PDE1A: variants seen among roughly 807,000 people sequenced by gnomAD.
PDE1A encodes phosphodiesterase 1A, also known as dual specificity calcium/calmodulin-dependent 3',5'-cyclic nucleotide phosphodiesterase 1A.
In PDE1A, 35 loss-of-function variants were observed where a neutral mutation model predicts 61.7. That is an observed-to-expected ratio of 0.57 (90% CI 0.43 to 0.75). The LOEUF (loss-of-function observed/expected upper bound fraction) is 0.75. Ranked by LOEUF, PDE1A falls within the 30% of genes least tolerant of loss-of-function variation. PDE1A has a pLI of 0.00. For synonymous variants in PDE1A, 232 were observed against 213.2 expected, an observed-to-expected ratio of 1.09 and a Z score of -0.77; for missense variants, 597 against 630.6, an observed-to-expected ratio of 0.95 and a Z score of 0.57.
chr2:182,180,855 C>A (rs1684702022), intron 13 of PDE1A, among the ~76,000 whole-genome samples: 1 of 151,492 alleles, frequency 6.6e-6, no homozygotes, highest in African/African-American at 2.4e-5. Context: ...ATTCTGATAT[C>A]CTTTCTTCTG....
chr2:182,436,516 T>C (rs1684424228), intron 2 of PDE1A, among the ~76,000 whole-genome samples: 1 of 151,928 alleles, frequency 6.6e-6, no homozygotes, highest in African/African-American at 2.4e-5. Flanking sequence ...ATCAAGTCTA[T>C]CTTAGAAATG....
chr2:182,367,177 G>A (rs1180798955), intron 1 of PDE1A, among the ~76,000 whole-genome samples: 1 of 151,932 alleles, frequency 6.6e-6, no homozygotes, highest in African/African-American at 2.4e-5. Context: ...TGATTTAGAA[G>A]TCATATGGAA....
In PDE1A at chr2:182,414,468, T is replaced by G. The variant is rs1702801001; in HGVS notation, c.53+12110A>C. 3.3e-5 allele frequency among the ~76,000 whole-genome samples: 5 copies of G among 152,280 alleles called. No homozygotes were observed. The South Asian group carries it at 6.2e-4, about 19-fold the overall frequency. Reference sequence around the variant, plus strand: ...CTCACAGATCTAAGGTGACCTTCAATGTCCTAATGTTTGTTTACAGAGGTA... The same window carrying G: ...CTCACAGATCTAAGGTGACCTTCAAGGTCCTAATGTTTGTTTACAGAGGTA... On this transcript the variant is annotated intron_variant, in intron 1 of 13. Coordinates refer to ENST00000351439, the Ensembl canonical transcript of PDE1A.
chr2:182,141,389 TA>T (rs1374386098), exon 15 of PDE1A: 14 of 152,214 alleles, frequency 9.2e-5, no homozygotes, highest in Admixed American at 1.3e-4. Context: ...TACATATCTA[TA>T]AATGTTTTCC....
chr2:182,264,777 A>G (rs771540543), intron 1 of PDE1A, among the ~76,000 whole-genome samples: 8 of 149,786 alleles, frequency 5.3e-5, no homozygotes, highest in Non-Finnish European at 7.4e-5. Context: ...CTAGGAGAAT[A>G]TTCAAAGGAC....
intron 13 of PDE1A, among the ~76,000 whole-genome samples, chr2:182,159,063 A>G (rs542297917): frequency 1.1e-4 from 16 of 152,340 alleles, no homozygotes; most frequent in Non-Finnish European, 1.8e-4. Context: ...TGGGCTGTAT[A>G]CAGTCTAAAT....
At chr2:182,160,350 C>T (rs1691310221) in intron 13 of PDE1A, among the ~76,000 whole-genome samples, 1 of 152,076 alleles carries the variant, frequency 6.6e-6, no homozygotes, top group South Asian at 2.1e-4. Flanking sequence ...GAGATTGACC[C>T]ATGAGTTAGT....
In PDE1A at chr2:182,326,395, A is replaced by G. The variant is rs371483027; in HGVS notation, c.54-61981T>C. Among the ~76,000 whole-genome samples the G allele has an allele frequency of 2.6e-4, 39 of 152,372 alleles. No individual in the cohort carries two copies. The East Asian group carries it at 6.0e-3, about 23-fold the overall frequency. Reference sequence around the variant, plus strand: ...AATATTATTCACCCTTAAAAAGCAAATAAATTCTGGTATATGTTACAACAT... The same window carrying G: ...AATATTATTCACCCTTAAAAAGCAAGTAAATTCTGGTATATGTTACAACAT... On this transcript the variant is annotated intron_variant, in intron 1 of 13. Transcript: ENST00000351439.
chr2:182,647,842 T>A, the PDE1A span, among the ~76,000 whole-genome samples: 1 of 151,830 alleles, frequency 6.6e-6, no homozygotes, highest in African/African-American at 2.4e-5. Context: ...AACAATTAAA[T>A]GAAATTCTGT....
At chr2:182,260,067 CT>C (rs1323740339) in intron 2 of PDE1A, among the ~76,000 whole-genome samples, 1 of 152,126 alleles carries the variant, frequency 6.6e-6, no homozygotes, top group African/African-American at 2.4e-5. Flanking sequence ...AATTCAGAAA[CT>C]TTTTATTTTT....
Position 182,234,427 on chromosome 2 carries a change from G to T in PDE1A, c.417+5C>A. ...TTATACACGAAAATAATGAAATTAT[G>T]TCACCTTTAATGTTACGATGACAGC... On this transcript the variant is annotated splice_donor_5th_base_variant and intron_variant, in intron 4 of 13. Transcript: ENST00000351439. The T allele has an allele frequency of 6.3e-7, 1 of 1,580,564 alleles. No individual in the cohort carries two copies. The highest frequency in any genetic ancestry group is 2.3e-5 in the East Asian group (1 of 44,110).
In PDE1A at chr2:182,299,098, C is replaced by T. The variant is rs533798093; in HGVS notation, c.54-34684G>A. ...TAGAGTATCAATTCCCCAATATTTT[C>T]GCCGAAATACCAGGGTCTCTGTACA... On this transcript the variant is annotated intron_variant, in intron 1 of 13. Coordinates refer to ENST00000351439, the Ensembl canonical transcript of PDE1A. Among the ~76,000 whole-genome samples the T allele has an allele frequency of 1.4e-3, 214 of 151,966 alleles. 2 individuals carry two copies. Among genetic ancestry groups the T allele is most frequent in the African/African-American group, 4.9e-3 (203 of 41,458 alleles).
At chr2:182,205,227 C>T (rs1686999042) in intron 8 of PDE1A, among the ~76,000 whole-genome samples, 2 of 152,076 alleles carry the variant, frequency 1.3e-5, no homozygotes, top group African/African-American at 4.8e-5. Flanking sequence ...GGGACATATA[C>T]TAAGAAGATT....
intron 6 of PDE1A, among the ~76,000 whole-genome samples, chr2:182,225,883 A>G (rs1689102159): frequency 6.7e-6 from 1 of 149,970 alleles, no homozygotes; most frequent in South Asian, 2.1e-4. Flanking sequence ...TTCAGAGCCA[A>G]AAGAAGTTAA....
the PDE1A span, among the ~76,000 whole-genome samples, chr2:182,569,456 TC>T: frequency 6.6e-6 from 1 of 152,044 alleles, no homozygotes; most frequent in African/African-American, 2.4e-5. Context: ...ATTCTGAGTG[TC>T]CTCTTTATCC....
chr2:182,322,558 T>G (rs1696763712), intron 1 of PDE1A, among the ~76,000 whole-genome samples: 2 of 152,198 alleles, frequency 1.3e-5, no homozygotes, highest in Non-Finnish European at 2.9e-5. Context: ...ATTAAACCTC[T>G]TTTTCTTTAT....
Position 182,193,685 on chromosome 2 carries a change from T to C in PDE1A, c.1126-4625A>G, listed in dbSNP as rs149609119. On this transcript the variant is annotated intron_variant, in intron 10 of 13. Coordinates refer to ENST00000351439, the Ensembl canonical transcript of PDE1A. The stretch of plus-strand genomic sequence containing the variant: ...AGCATTTAATAATTACAGCAACTAA[T>C]ACATTCACTTTCAGTAAAATATTGG... Among the ~76,000 whole-genome samples, 69 of 152,300 alleles carry C rather than the reference T, an allele frequency of 4.5e-4. 2 individuals are homozygous for C. In the East Asian group the frequency reaches 0.011, roughly 24 times the overall value.
At chr2:182,626,695 A>G in the PDE1A span, among the ~76,000 whole-genome samples, 1 of 131,696 alleles carries the variant, frequency 7.6e-6, no homozygotes, top group Admixed American at 9.3e-5. Flanking sequence ...AGAAAAAAAA[A>G]AAGATCAAAG....
At chr2:182,528,904 A>C in the PDE1A span, among the ~76,000 whole-genome samples, 1 of 152,184 alleles carries the variant, frequency 6.6e-6, no homozygotes, top group Non-Finnish European at 1.5e-5. Context: ...GGGAACCTTC[A>C]CCTAGATTTC....
Sources: allele counts gnomAD v4.1 joint callset (sites outside exome capture counted in the v4.1 genomes callset), GRCh38; gene constraint gnomAD v4.1.1; transcripts MANE v1.5; gene names NCBI Gene and HGNC (gene_info 2026-07-23, HGNC 2026-07-21).